MAP3K13: variants seen among roughly 807,000 people sequenced by gnomAD.
MAP3K13 encodes mitogen-activated protein kinase kinase kinase 13.
A neutral mutation model predicts 104.0 loss-of-function variants in MAP3K13; 52 were observed. That is an observed-to-expected ratio of 0.50 (90% CI 0.40 to 0.63). The LOEUF (loss-of-function observed/expected upper bound fraction) is 0.63, where lower values mean the gene tolerates loss of function less well. Ranked by LOEUF, MAP3K13 falls within the 20% of genes least tolerant of loss-of-function variation. MAP3K13 has a pLI of 0.00. For missense variants in MAP3K13, 914 were observed against 1,218.5 expected, an observed-to-expected ratio of 0.75 and a Z score of 3.72; for synonymous variants, 394 against 442.2, an observed-to-expected ratio of 0.89 and a Z score of 1.37.
At chr3:185,433,032 T>C (rs1714835939) in intron 2 of MAP3K13, among the ~76,000 whole-genome samples, 1 of 152,216 alleles carries the variant, frequency 6.6e-6, no homozygotes, top group Non-Finnish European at 1.5e-5. Flanking sequence ...CACAGATGTG[T>C]CCCTACATTT....
At chr3:185,361,026 C>CA (rs757559868), upstream of MAP3K13, among the ~76,000 whole-genome samples, 8 of 151,278 alleles carry the variant, frequency 5.3e-5, no homozygotes, top group Non-Finnish European at 1.0e-4. Context: ...GGGGTTTCAC[C>CA]ATGTTGGCCA....
At chr3:185,459,087 A>T (rs537061673) in intron 7 of MAP3K13, among the ~76,000 whole-genome samples, 1 of 152,210 alleles carries the variant, frequency 6.6e-6, no homozygotes, top group African/African-American at 2.4e-5. Flanking sequence ...GCATCATTCT[A>T]GTGTTCTCTT....
At chr3:185,336,764 T>C (rs1560053486) in intron 2 of MAP3K13, among the ~76,000 whole-genome samples, 2 of 151,760 alleles carry the variant, frequency 1.3e-5, no homozygotes, top group Admixed American at 6.6e-5. Flanking sequence ...ATTTGCCTTT[T>C]GATAGCAAAA....
Position 185,487,330 on chromosome 3 carries a change from A to ATT in MAP3K13, c.*4889_*4890dup, listed in dbSNP as rs1173113366. 2.0e-4 allele frequency: 28 copies of ATT among 141,760 alleles called. No individual in the cohort carries two copies. The highest frequency in any genetic ancestry group is 6.1e-4 in the East Asian group (3 of 4,940). 8.8% of individuals were successfully genotyped at this position (141,760 alleles called of 1,614,324 possible). A position where few individuals can be genotyped will look rare whatever the true frequency, so the allele number is the denominator to read the frequency against. On this transcript the variant is annotated 3_prime_UTR_variant, in exon 14 of 14. Coordinates refer to ENST00000265026, the MANE Select transcript of MAP3K13 (RefSeq NM_004721.5). ...CAGGTGTGTGCCACCATGCACAACA[A>ATT]TTTTTTTTTTTTTTTTGTAGAGATG...
chr3:185,321,495 A>G (rs540698480), intron 2 of MAP3K13, among the ~76,000 whole-genome samples: 1 of 152,368 alleles, frequency 6.6e-6, no homozygotes, highest in African/African-American at 2.4e-5. Context: ...CGATACATTC[A>G]AGATTTTTTT....
intron 2 of MAP3K13, among the ~76,000 whole-genome samples, chr3:185,432,119 A>C (rs1395292075): frequency 6.6e-6 from 1 of 152,100 alleles, no homozygotes; most frequent in Non-Finnish European, 1.5e-5. Flanking sequence ...AAGCAGGAAA[A>C]TAAAATAAAG....
intron 3 of MAP3K13, among the ~76,000 whole-genome samples, 172 bp downstream of exon 3, chr3:185,437,802 C>T (rs1715124009): frequency 6.6e-6 from 1 of 152,036 alleles, no homozygotes; most frequent in Admixed American, 6.6e-5. Flanking sequence ...TGTCCTCAGG[C>T]ATCTTATAAT....
chr3:185,398,650 G>T (rs928201954), intron 1 of MAP3K13, among the ~76,000 whole-genome samples: 1 of 152,178 alleles, frequency 6.6e-6, no homozygotes, highest in Non-Finnish European at 1.5e-5. Context: ...CACCATTACA[G>T]CCCCATATGG....
intron 1 of MAP3K13, among the ~76,000 whole-genome samples, chr3:185,389,929 A>C (rs1438348815): frequency 1.3e-5 from 2 of 152,166 alleles, no homozygotes; most frequent in East Asian, 3.9e-4. Flanking sequence ...GGTATTGTGA[A>C]AAGAGGTCTT....
chr3:185,458,783 G>A (rs1716919791), intron 7 of MAP3K13, among the ~76,000 whole-genome samples: 1 of 152,202 alleles, frequency 6.6e-6, no homozygotes, highest in Non-Finnish European at 1.5e-5. Context: ...GAGTCCAGCT[G>A]ACTCCTTCCT....
At chr3:185,289,766 C>A (rs1720662605) in intron 2 of MAP3K13, among the ~76,000 whole-genome samples, 1 of 152,086 alleles carries the variant, frequency 6.6e-6, no homozygotes, top group South Asian at 2.1e-4. Flanking sequence ...AATATGATAA[C>A]CCTGACTGAA....
Position 185,454,810 on chromosome 3 carries a change from TGA to T in MAP3K13, c.1278+3416_1278+3417del, listed in dbSNP as rs1491298542. Reference sequence around the variant, plus strand: ...ACATGATATATATGAGATATATACATGATATATATATGAGATATATACATGAT... The same window carrying T: ...ACATGATATATATGAGATATATACATTATATATATGAGATATATACATGAT... On this transcript the variant is annotated intron_variant, in intron 7 of 13. Coordinates refer to ENST00000265026, the MANE Select transcript of MAP3K13 (RefSeq NM_004721.5). Among the ~76,000 whole-genome samples the T allele has an allele frequency of 2.3e-3, 158 of 68,354 alleles. 7 individuals carry two copies. The highest frequency in any genetic ancestry group is 7.5e-3 in the African/African-American group (156 of 20,766). The allele number at this position is 68,354 out of a possible 152,430, so 44.8% of individuals were successfully genotyped here. A position where few individuals can be genotyped will look rare whatever the true frequency, so the allele number is the denominator to read the frequency against.
intron 2 of MAP3K13, among the ~76,000 whole-genome samples, chr3:185,332,251 G>A (rs934646430): frequency 6.6e-6 from 1 of 151,656 alleles, no homozygotes; most frequent in African/African-American, 2.4e-5. Context: ...TAAGAGTACT[G>A]TTTCTCATAT....
At chr3:185,415,770 A>G (rs944343121) in intron 1 of MAP3K13, among the ~76,000 whole-genome samples, 7 of 151,612 alleles carry the variant, frequency 4.6e-5, no homozygotes, top group African/African-American at 1.7e-4. Flanking sequence ...TTTAGTAGAG[A>G]CGAGGTTTCT....
rs1335480773 is a variant in MAP3K13, at chr3:185,482,083, C to CTAAA, written c.2800-260_2800-257dup. 3.3e-5 allele frequency among the ~76,000 whole-genome samples: 5 copies of CTAAA among 152,190 alleles called. No homozygotes were observed. Among genetic ancestry groups the CTAAA allele is most frequent in the Non-Finnish European group, 5.9e-5 (4 of 68,044 alleles). On this transcript the variant is annotated intron_variant, in intron 13 of 13. Coordinates refer to ENST00000265026, the MANE Select transcript of MAP3K13 (RefSeq NM_004721.5). The surrounding 1 kb of genome is among the most constrained non-coding windows in gnomAD (Gnocchi z 4.5). ...TGGGCGACAGAGTGAGACTCCATCTCTAAATAAATAAATAAGTAAAGTACT... is the reference window on the plus strand; with the variant it reads ...TGGGCGACAGAGTGAGACTCCATCTCTAAATAAATAAATAAATAAGTAAAGTACT...
intron 2 of MAP3K13, among the ~76,000 whole-genome samples, chr3:185,317,097 T>A (rs1721704672): frequency 6.6e-6 from 1 of 152,222 alleles, no homozygotes; most frequent in Admixed American, 6.5e-5. Context: ...TTGTGTGCCC[T>A]TCATGTCAAC....
At chr3:185,433,891 A>G (rs1264820773) in intron 2 of MAP3K13, among the ~76,000 whole-genome samples, 1 of 152,224 alleles carries the variant, frequency 6.6e-6, no homozygotes, top group Non-Finnish European at 1.5e-5. Flanking sequence ...TCTAAAAAAC[A>G]TAGTGAGTTA....
chr3:185,362,281 A>G (rs1207051883), upstream of MAP3K13, among the ~76,000 whole-genome samples: 2 of 152,230 alleles, frequency 1.3e-5, no homozygotes, highest in Non-Finnish European at 2.9e-5. Context: ...CCAATTTTGT[A>G]TAACTGAAAA....
At chr3:185,372,447 C>T (rs573570262) in intron 1 of MAP3K13, among the ~76,000 whole-genome samples, 1 of 152,212 alleles carries the variant, frequency 6.6e-6, no homozygotes, top group African/African-American at 2.4e-5. Flanking sequence ...TTCTCAAAGA[C>T]CTAGAGACAG....
Sources: allele counts gnomAD v4.1 joint callset (sites outside exome capture counted in the v4.1 genomes callset), GRCh38; gene constraint gnomAD v4.1.1; non-coding constraint Gnocchi (gnomAD v3.1); transcripts MANE v1.5; gene names NCBI Gene and HGNC (gene_info 2026-07-23, HGNC 2026-07-21).